Variants in SLC24A2 observed in about 807,000 individuals in gnomAD.
The protein encoded by SLC24A2 is sodium/potassium/calcium exchanger 2.
Under a neutral mutation model 62.0 loss-of-function variants are expected in SLC24A2, and 36 were observed. The ratio of observed to expected loss-of-function variants is 0.58; its 90% CI spans 0.44 to 0.77. The LOEUF is 0.77. Ranked by LOEUF, SLC24A2 falls within the 30% of genes least tolerant of loss-of-function variation. The pLI is 0.00. For synonymous variants in SLC24A2, 358 were observed against 294.0 expected, an observed-to-expected ratio of 1.22 and a Z score of -2.23; for missense variants, 846 against 817.9, an observed-to-expected ratio of 1.03 and a Z score of -0.42.
chr9:19,823,808 TGGTACCAAAACA>T, the SLC24A2 span, among the ~76,000 whole-genome samples: 1 of 152,154 alleles, frequency 6.6e-6, no homozygotes, highest in Non-Finnish European at 1.5e-5. Context: ...AGCATGGTAC[TGGTACCAAAACA>T]GATGTATAGA....
In SLC24A2 at chr9:19,606,643, AACACACACACAC is replaced by A. The variant is rs530164924; in HGVS notation, c.1079-9376_1079-9365del. On this transcript the variant is annotated intron_variant, in intron 4 of 10. Transcript: ENST00000341998. ...TATGTTTCGTAAATGAATATATGAG[AACACACACACAC>A]ACGCACACACACACACTAAACAAGT... is the stretch of plus-strand genomic sequence containing the variant. 1.5e-3 allele frequency among the ~76,000 whole-genome samples: 229 copies of A among 151,974 alleles called. 1 individual carries two copies. The highest frequency in any genetic ancestry group is 2.2e-3 in the Non-Finnish European group (151 of 67,926).
At chr9:20,118,541 G>T in the SLC24A2 span, among the ~76,000 whole-genome samples, 1 of 151,238 alleles carries the variant, frequency 6.6e-6, no homozygotes, top group South Asian at 2.1e-4. Flanking sequence ...CTGTTCTTAA[G>T]TTTTTTTTTA....
the SLC24A2 span, among the ~76,000 whole-genome samples, chr9:19,886,162 A>G: frequency 5.3e-5 from 8 of 152,162 alleles, no homozygotes; most frequent in African/African-American, 1.4e-4. Flanking sequence ...AAATTATTTG[A>G]GAAGTCGCCA....
intron 2 of SLC24A2, among the ~76,000 whole-genome samples, chr9:19,717,861 C>A (rs192827151): frequency 5.3e-5 from 8 of 151,686 alleles, no homozygotes; most frequent in Non-Finnish European, 1.2e-4. Context: ...AGTGACCCCA[C>A]TAAATGAAAA....
chr9:19,568,928 A>G (rs183982220), intron 7 of SLC24A2, among the ~76,000 whole-genome samples: 4 of 152,298 alleles, frequency 2.6e-5, no homozygotes, highest in Admixed American at 2.0e-4. Context: ...GCAAATGTTT[A>G]TATGCTATTT....
At chr9:19,731,516 C>CTCTCTCTCTCCGTGTGTGT in intron 2 of SLC24A2, among the ~76,000 whole-genome samples, 1 of 113,710 alleles carries the variant, frequency 8.8e-6, no homozygotes, top group Non-Finnish European at 2.1e-5. Context: ...TCTCTCTCTC[C>CTCTCTCTCTCCGTGTGTGT]GTGTGTGTGT....
chr9:20,111,531 A>C, the SLC24A2 span, among the ~76,000 whole-genome samples: 1 of 152,162 alleles, frequency 6.6e-6, no homozygotes, highest in Non-Finnish European at 1.5e-5. Flanking sequence ...TGTTTCTACC[A>C]GGGCCCTAAC....
the SLC24A2 span, among the ~76,000 whole-genome samples, chr9:20,277,717 C>T: frequency 6.6e-6 from 1 of 152,120 alleles, no homozygotes; most frequent in South Asian, 2.1e-4. Context: ...TACCATTTGA[C>T]CCAGCCATCC....
At chr9:19,873,189 C>T in the SLC24A2 span, among the ~76,000 whole-genome samples, 1 of 103,958 alleles carries the variant, frequency 9.6e-6, no homozygotes, top group African/African-American at 4.6e-5. Context: ...GTGTCCCTTC[C>T]TCCCTTCCTC....
the SLC24A2 span, among the ~76,000 whole-genome samples, chr9:19,994,388 T>C: frequency 6.6e-6 from 1 of 151,794 alleles, no homozygotes; most frequent in African/African-American, 2.4e-5. Context: ...TGGGCAAGAG[T>C]CCTGACCAAG....
chr9:19,662,431 A>G (rs1183091550), intron 2 of SLC24A2, among the ~76,000 whole-genome samples: 1 of 152,190 alleles, frequency 6.6e-6, no homozygotes, highest in African/African-American at 2.4e-5. Flanking sequence ...CCTGGCACAC[A>G]AGTGGACTCA....
chr9:19,991,325 G>C, the SLC24A2 span, among the ~76,000 whole-genome samples: 1 of 152,118 alleles, frequency 6.6e-6, no homozygotes, highest in South Asian at 2.1e-4. Context: ...TCCAGCATGG[G>C]AGAAAGACAA....
At chr9:19,530,129 C>G (rs568218292) in intron 8 of SLC24A2, among the ~76,000 whole-genome samples, 7 of 148,410 alleles carry the variant, frequency 4.7e-5, no homozygotes, top group Non-Finnish European at 1.0e-4. Flanking sequence ...TTCTGGAGAC[C>G]GAATTCCCTG....
chr9:19,546,742 A>G (rs930653214), intron 8 of SLC24A2, among the ~76,000 whole-genome samples: 5 of 149,898 alleles, frequency 3.3e-5, no homozygotes, highest in Non-Finnish European at 1.5e-5. Flanking sequence ...TGGGAAAAAA[A>G]AAAACAACAC....
intron 5 of SLC24A2, among the ~76,000 whole-genome samples, chr9:19,587,358 A>G (rs1053097265): frequency 5.9e-5 from 9 of 152,186 alleles, no homozygotes; most frequent in Non-Finnish European, 1.2e-4. Context: ...TATTTTGTGA[A>G]CTTATAGCAT....
chr9:19,719,705 GATTA>G (rs775943451), intron 2 of SLC24A2, among the ~76,000 whole-genome samples: 16 of 152,178 alleles, frequency 1.1e-4, no homozygotes, highest in Non-Finnish European at 2.1e-4. Context: ...CAAGTTCACT[GATTA>G]AATAAAAGGA....
At chr9:19,636,326 T>TTCTTTTCTTTCTTTCTTC (rs1491476004) in intron 2 of SLC24A2, among the ~76,000 whole-genome samples, 1 of 26,874 alleles carries the variant, frequency 3.7e-5, no homozygotes, top group South Asian at 1.4e-3. Context: ...TTTCTTTCTT[T>TTCTTTTCTTTCTTTCTTC]CTTTCTTTCT....
At chr9:19,626,988 T>C (rs1225159160) in intron 2 of SLC24A2, among the ~76,000 whole-genome samples, 2 of 152,194 alleles carry the variant, frequency 1.3e-5, no homozygotes, top group East Asian at 1.9e-4. Context: ...TGTCTTAACA[T>C]AGTCCCTAAA....
At chr9:19,670,122 C>T (rs182115365) in intron 2 of SLC24A2, among the ~76,000 whole-genome samples, 1 of 152,188 alleles carries the variant, frequency 6.6e-6, no homozygotes, top group Non-Finnish European at 1.5e-5. Context: ...AGCCTCCACA[C>T]CCCTTCCCAT....
Sources: gnomAD v4.1 joint callset for allele counts (sites outside exome capture counted in the v4.1 genomes callset) on GRCh38, gnomAD v4.1.1 for gene constraint, MANE v1.5 for transcripts, NCBI Gene and HGNC (gene_info 2026-07-23, HGNC 2026-07-21) for gene names.